The following BICC1 variants were observed in gnomAD, a reference collection of about 807,000 sequenced individuals.
The protein encoded by BICC1 is BicC family RNA binding protein 1.
In BICC1, 43 loss-of-function variants were observed where a neutral mutation model predicts 111.0. That is an observed-to-expected ratio of 0.39 (90% CI 0.30 to 0.50). BICC1 has a LOEUF of 0.50. Ranked by LOEUF, BICC1 falls within the 20% of genes least tolerant of loss-of-function variation. BICC1 has a pLI of 0.88. For missense variants in BICC1, 1,091 were observed against 1,203.2 expected (o/e 0.91, Z 1.38); for synonymous variants, 467 against 434.4 (o/e 1.07, Z -0.93).
chr10:58,748,991 T>G (rs1841913290), intron 3 of BICC1, among the ~76,000 whole-genome samples: 1 of 152,158 alleles, frequency 6.6e-6, no homozygotes, highest in African/African-American at 2.4e-5. Flanking sequence ...AAATAATGGT[T>G]TGGTTAAGTT....
At chr10:58,825,140 A>G (rs1273336447) in intron 20 of BICC1, among the ~76,000 whole-genome samples, 1 of 151,988 alleles carries the variant, frequency 6.6e-6, no homozygotes, top group African/African-American at 2.4e-5. Flanking sequence ...TTTTTACTAG[A>G]TTAATTTTTT....
chr10:58,786,678 T>C (rs543425721), intron 4 of BICC1, among the ~76,000 whole-genome samples: 3 of 152,336 alleles, frequency 2.0e-5, no homozygotes, highest in African/African-American at 7.2e-5. Flanking sequence ...CCAAAAAAAT[T>C]ATCTTGGTAA....
intron 3 of BICC1, chr10:58,716,089 A>T: frequency 6.7e-7 from 1 of 1,491,184 alleles, no homozygotes. Flanking sequence ...ACTCAGCAAA[A>T]AGAGAAAGAT....
intron 2 of BICC1, among the ~76,000 whole-genome samples, chr10:58,681,409 T>C (rs1272881576): frequency 1.3e-5 from 2 of 152,004 alleles, no homozygotes; most frequent in Non-Finnish European, 1.5e-5. Flanking sequence ...TGAAAAAAGC[T>C]CATCATCACT....
chr10:58,573,091 T>A (rs1189482043), intron 1 of BICC1, among the ~76,000 whole-genome samples: 2 of 152,152 alleles, frequency 1.3e-5, no homozygotes, highest in Non-Finnish European at 2.9e-5. Context: ...GGCCTGAATT[T>A]TGGAAGCTGC....
intron 1 of BICC1, among the ~76,000 whole-genome samples, chr10:58,616,064 G>A (rs554936636): frequency 8.5e-5 from 13 of 152,162 alleles, no homozygotes; most frequent in South Asian, 2.1e-4. Flanking sequence ...AGAAGCTGCC[G>A]TAAGTGGGGA....
In BICC1 at chr10:58,759,040, A is replaced by G. The variant is rs192996964; in HGVS notation, c.308-25961A>G. 5.3e-3 allele frequency among the ~76,000 whole-genome samples: 802 copies of G among 151,816 alleles called. 15 individuals carry two copies. Among genetic ancestry groups the G allele is most frequent in the African/African-American group, 0.018 (759 of 41,398 alleles). On this transcript the variant is annotated intron_variant, in intron 3 of 20. Coordinates refer to ENST00000373886, the MANE Select transcript of BICC1 (RefSeq NM_001080512.3). ...AGTGGCACAATCTCGGCTCATTGCA[A>G]TGTCTGTCTCCCGGGTTCAAGTGAT...
At chr10:58,579,237 G>A (rs1018534023) in intron 1 of BICC1, among the ~76,000 whole-genome samples, 1 of 152,200 alleles carries the variant, frequency 6.6e-6, no homozygotes, top group African/African-American at 2.4e-5. Context: ...GAACTGGCTT[G>A]AAACTGAAGC....
At chr10:58,681,447 C>G (rs1046815524) in intron 2 of BICC1, among the ~76,000 whole-genome samples, 2 of 152,034 alleles carry the variant, frequency 1.3e-5, no homozygotes, top group Non-Finnish European at 2.9e-5. Flanking sequence ...AAATAAAAAC[C>G]ACAATGAGAT....
Position 58,701,584 on chromosome 10 carries a change from G to A in BICC1, c.238-490G>A, listed in dbSNP as rs552762248. Among the ~76,000 whole-genome samples the A allele has an allele frequency of 2.0e-5, 3 of 152,266 alleles. No individual in the cohort carries two copies. The East Asian group carries it at 5.8e-4, about 29-fold the overall frequency. ...TGTCGCGTTTAGAGGGTTTTCATCA[G>A]TTTTAATGAAATACAAATGCACCCA... is the stretch of plus-strand genomic sequence containing the variant. On this transcript the variant is annotated intron_variant, in intron 2 of 20. Transcript: ENST00000373886.
At chr10:58,617,348 A>T (rs1845651585) in intron 1 of BICC1, among the ~76,000 whole-genome samples, 1 of 151,882 alleles carries the variant, frequency 6.6e-6, no homozygotes, top group Admixed American at 6.6e-5. Flanking sequence ...AGTACACTGA[A>T]TACAAGTCCC....
intron 2 of BICC1, among the ~76,000 whole-genome samples, chr10:58,670,839 A>G (rs1238985849): frequency 2.0e-5 from 3 of 152,294 alleles, no homozygotes; most frequent in African/African-American, 4.8e-5. Flanking sequence ...GTTTCATACA[A>G]TGTAACCATA....
At chr10:58,563,942 C>G (rs979347896) in intron 1 of BICC1, among the ~76,000 whole-genome samples, 3 of 152,248 alleles carry the variant, frequency 2.0e-5, no homozygotes, top group Non-Finnish European at 4.4e-5. Flanking sequence ...TCCTATGCCA[C>G]ATTTTATTTT....
intron 1 of BICC1, among the ~76,000 whole-genome samples, chr10:58,514,858 A>T (rs962491815): frequency 2.0e-4 from 30 of 152,202 alleles, no homozygotes; most frequent in African/African-American, 7.0e-4. Context: ...ATAAAACAAA[A>T]TATTAAATTT....
Position 58,800,847 on chromosome 10 carries a change from ATGT to A in BICC1, c.1859-38_1859-36del, listed in dbSNP as rs1564621763. On this transcript the variant is annotated intron_variant, in intron 13 of 20. Coordinates refer to ENST00000373886, the MANE Select transcript of BICC1 (RefSeq NM_001080512.3). ...GCAGATAATTGTCAACTGGAAGGTGATGTTGTTTAGGTGTTTCACTTTTTTTTC... is the reference window on the plus strand; with the variant it reads ...GCAGATAATTGTCAACTGGAAGGTGATGTTTAGGTGTTTCACTTTTTTTTC... The A allele has an allele frequency of 5.2e-6, 8 of 1,532,792 alleles. 1 individual carries two copies. The South Asian group carries it at 6.4e-5, about 12-fold the overall frequency. 94.9% of individuals were successfully genotyped at this position (1,532,792 alleles called of 1,614,324 possible).
rs536804500 is a variant in BICC1, at chr10:58,664,465, C to T, written c.238-37609C>T. ...TAGGTTTTGTAAATAGCTTTTTCCT[C>T]AGTCTGTGGCTTTGTTCTGCATTTC... On this transcript the variant is annotated intron_variant, in intron 2 of 20. Transcript: ENST00000373886. Among the ~76,000 whole-genome samples, 664 of 71,722 alleles carry T rather than the reference C, an allele frequency of 9.3e-3. 21 individuals are homozygous for T. Among genetic ancestry groups the T allele is most frequent in the Non-Finnish European group, 5.8e-3 (129 of 22,124 alleles). The allele number at this position is 71,722 out of a possible 152,430, so 47.1% of individuals were successfully genotyped here. A position where few individuals can be genotyped will look rare whatever the true frequency, so the allele number is the denominator to read the frequency against.
chr10:58,769,245 C>T (rs990746471), intron 3 of BICC1, among the ~76,000 whole-genome samples: 4 of 150,570 alleles, frequency 2.7e-5, no homozygotes, highest in African/African-American at 9.7e-5. Context: ...ATAATATACC[C>T]TTGAAATTTG....
rs1840489021 is a variant in BICC1 at position 58,709,010 on chromosome 10, G to T, written c.307+6867G>T. On this transcript the variant is annotated intron_variant, in intron 3 of 20. Transcript: ENST00000373886. ...CTCTTAACTCCTATATCACAAGCAG[G>T]GTAATTAGCATATCCATCACCTCCA... Among the ~76,000 whole-genome samples the T allele has an allele frequency of 5.9e-5, 9 of 151,970 alleles. No individual in the cohort carries two copies. The South Asian group carries it at 1.7e-3, about 28-fold the overall frequency.
intron 1 of BICC1, among the ~76,000 whole-genome samples, chr10:58,569,252 G>A (rs1658433): frequency 0.017 from 2,563 of 152,164 alleles, 26 homozygotes; most frequent in South Asian, 0.032. Context: ...CTCAATGTTC[G>A]TCTACAGTTT....
Sources: allele counts gnomAD v4.1 joint callset (sites outside exome capture counted in the v4.1 genomes callset), GRCh38; gene constraint gnomAD v4.1.1; transcripts MANE v1.5; gene names NCBI Gene and HGNC (gene_info 2026-07-23, HGNC 2026-07-21).